Variants in DSCAM observed in about 807,000 individuals in gnomAD.
DSCAM encodes DS cell adhesion molecule, also known as cell adhesion molecule DSCAM.
DSCAM carries 47 observed loss-of-function variants against 217.7 expected under a neutral mutation model. The ratio of observed to expected loss-of-function variants is 0.22; its 90% CI spans 0.17 to 0.28. The LOEUF is 0.28. Ranked by LOEUF, DSCAM falls within the 10% of genes least tolerant of loss-of-function variation. The pLI, the probability that DSCAM is intolerant of heterozygous loss-of-function variation, is 1.00. For missense variants in DSCAM, 2,080 were observed against 2,618.3 expected, an observed-to-expected ratio of 0.79 and a Z score of 4.49; for synonymous variants, 1,056 against 1,015.3, an observed-to-expected ratio of 1.04 and a Z score of -0.76.
At position 40,140,584 on chromosome 21, in the gene DSCAM, T is replaced by G. The variant is rs542910693; in HGVS notation, c.3406+1974A>C. Among the ~76,000 whole-genome samples, 4 of 152,320 alleles carry G rather than the reference T, an allele frequency of 2.6e-5. No homozygotes were observed. In the East Asian group the frequency reaches 7.7e-4, roughly 29 times the overall value. On this transcript the variant is annotated intron_variant, in intron 18 of 32. Transcript: ENST00000400454. The stretch of plus-strand genomic sequence containing the variant: ...AGAACATTAAGGGTATTTAATTTCA[T>G]CCACTCAATATAAGGAGTAGAAATC...
intron 3 of DSCAM, among the ~76,000 whole-genome samples, chr21:40,654,459 G>A (rs368616521): frequency 4.6e-5 from 7 of 152,218 alleles, no homozygotes; most frequent in Admixed American, 2.0e-4. Context: ...TTACAGCTGC[G>A]GTAACAAATC....
intron 20 of DSCAM, among the ~76,000 whole-genome samples, chr21:40,121,261 T>C (rs1318657732): frequency 6.6e-6 from 1 of 152,150 alleles, no homozygotes; most frequent in Non-Finnish European, 1.5e-5. Context: ...ACACCCTCTT[T>C]CCTGTACTTT....
At chr21:40,700,390 G>C (rs1367332298) in intron 2 of DSCAM, among the ~76,000 whole-genome samples, 1 of 152,176 alleles carries the variant, frequency 6.6e-6, no homozygotes, top group Non-Finnish European at 1.5e-5. Flanking sequence ...TTTTCTGAGA[G>C]TTCTTTTAAT....
At chr21:40,786,809 C>T (rs1025579929) in intron 1 of DSCAM, among the ~76,000 whole-genome samples, 7 of 152,128 alleles carry the variant, frequency 4.6e-5, no homozygotes, top group African/African-American at 1.7e-4. Flanking sequence ...TATAGGCTAC[C>T]ACTAAAATTG....
chr21:40,483,830 A>G (rs978092919), intron 3 of DSCAM, among the ~76,000 whole-genome samples: 1 of 152,172 alleles, frequency 6.6e-6, no homozygotes, highest in Admixed American at 6.5e-5. Context: ...GTGTGTTCCT[A>G]AAGTTTGCTG....
chr21:40,358,828 T>A (rs1246270822), intron 4 of DSCAM, among the ~76,000 whole-genome samples: 2 of 147,740 alleles, frequency 1.4e-5, no homozygotes, highest in Non-Finnish European at 1.5e-5. Context: ...AATTAAGAAC[T>A]GTAGCATTTT....
chr21:40,049,359 TC>T (rs1251218350), intron 30 of DSCAM, among the ~76,000 whole-genome samples: 1 of 152,130 alleles, frequency 6.6e-6, no homozygotes, highest in Non-Finnish European at 1.5e-5. Context: ...TGGGAGCTTT[TC>T]CCTGCTGCCC....
At chr21:40,042,349 C>T in intron 32 of DSCAM, 22 bp downstream of exon 32, 3 of 1,608,646 alleles carry the variant, frequency 1.9e-6, no homozygotes, top group Non-Finnish European at 2.5e-6. Flanking sequence ...GCGACGGCCC[C>T]CAGGTGGCCT....
intron 3 of DSCAM, among the ~76,000 whole-genome samples, chr21:40,491,879 G>T (rs1257450801): frequency 6.6e-6 from 1 of 152,032 alleles, no homozygotes; most frequent in Non-Finnish European, 1.5e-5. Flanking sequence ...CAACCCCTAT[G>T]CCATCACTCC....
At chr21:40,401,711 GGA>G (rs1455617116) in intron 3 of DSCAM, among the ~76,000 whole-genome samples, 4 of 152,094 alleles carry the variant, frequency 2.6e-5, no homozygotes, top group Non-Finnish European at 5.9e-5. Flanking sequence ...AAGGATATAA[GGA>G]GAGTAGACAG....
intron 3 of DSCAM, chr21:40,384,951 A>T (rs1474822483): frequency 6.6e-6 from 1 of 152,118 alleles, no homozygotes; most frequent in Non-Finnish European, 1.5e-5. Flanking sequence ...TGCTTTATTT[A>T]TTTTTAATGA....
intron 11 of DSCAM, among the ~76,000 whole-genome samples, chr21:40,205,083 T>C (rs1336486033): frequency 6.6e-6 from 1 of 152,216 alleles, no homozygotes; most frequent in Non-Finnish European, 1.5e-5. Context: ...AGGAGGTATT[T>C]TATGACCCAG....
chr21:40,479,945 G>C (rs193030804), intron 3 of DSCAM, among the ~76,000 whole-genome samples: 2 of 152,222 alleles, frequency 1.3e-5, no homozygotes, highest in East Asian at 3.9e-4. Flanking sequence ...CACAGCTAAT[G>C]GTCTTTTGTG....
At chr21:40,466,653 C>A (rs1295844958) in intron 3 of DSCAM, among the ~76,000 whole-genome samples, 4 of 152,134 alleles carry the variant, frequency 2.6e-5, no homozygotes, top group Non-Finnish European at 1.5e-5. Context: ...GGAATGTGAT[C>A]CTATGACAAA....
intron 1 of DSCAM, among the ~76,000 whole-genome samples, chr21:40,723,762 G>A (rs2090926922): frequency 6.6e-6 from 1 of 151,948 alleles, no homozygotes; most frequent in Non-Finnish European, 1.5e-5. Flanking sequence ...AGATATCAAG[G>A]GACCACAAGG....
At chr21:40,432,099 A>G (rs891126612) in intron 3 of DSCAM, among the ~76,000 whole-genome samples, 1 of 152,114 alleles carries the variant, frequency 6.6e-6, no homozygotes, top group Admixed American at 6.6e-5. Flanking sequence ...GCTACTTGGG[A>G]GGCTGAGGCA....
In DSCAM at chr21:40,743,914, A is replaced by G. The variant is rs528105325; in HGVS notation, c.44-35143T>C. ...ATTGCAGAATAGAAGACACCCTGAC[A>G]TTATTTCCTCCACAAACATACAACT... On this transcript the variant is annotated intron_variant, in intron 1 of 32. Transcript: ENST00000400454. 2.6e-5 allele frequency among the ~76,000 whole-genome samples: 4 copies of G among 152,342 alleles called. No homozygotes were observed. The East Asian group carries it at 5.8e-4, about 22-fold the overall frequency.
At chr21:40,818,002 AGGAGAATGGC>A (rs2091895581) in intron 1 of DSCAM, among the ~76,000 whole-genome samples, 1 of 145,804 alleles carries the variant, frequency 6.9e-6, no homozygotes, top group Admixed American at 7.0e-5. Context: ...AGGCTGAGGC[AGGAGAATGGC>A]GTGAACCCGG....
rs1351714888 is a variant in DSCAM, at chr21:40,559,879, G to A, written c.508+132931C>T. Among the ~76,000 whole-genome samples the A allele has an allele frequency of 2.8e-5, 4 of 141,878 alleles. No individual in the cohort carries two copies. The East Asian group carries it at 6.8e-4, about 24-fold the overall frequency. The allele number at this position is 141,878 out of a possible 152,430, so 93.1% of individuals were successfully genotyped here. On this transcript the variant is annotated intron_variant, in intron 3 of 32. Coordinates refer to ENST00000400454, the MANE Select transcript of DSCAM (RefSeq NM_001389.5). ...GCGATCTCGGCTCACTGCAAGCTCC[G>A]CCTCCCGAGTTCACGCCATTCTCCT...
Sources: allele counts gnomAD v4.1 joint callset (sites outside exome capture counted in the v4.1 genomes callset), GRCh38; gene constraint gnomAD v4.1.1; transcripts MANE v1.5; gene names NCBI Gene and HGNC (gene_info 2026-07-23, HGNC 2026-07-21).